The following BRWD3 variants were observed in gnomAD, a reference collection of about 807,000 sequenced individuals.
The protein encoded by BRWD3 is bromodomain and WD repeat-containing protein 3.
BRWD3 carries 10 observed loss-of-function variants against 149.7 expected under a neutral mutation model. That is an observed-to-expected ratio of 0.07 (90% CI 0.04 to 0.11). BRWD3 has a LOEUF of 0.11. BRWD3 is among the 10% of genes least tolerant of loss of function. The pLI, the probability that BRWD3 is intolerant of heterozygous loss-of-function variation, is 1.00. For missense variants in BRWD3, 940 were observed against 1,373.2 expected, an observed-to-expected ratio of 0.68 and a Z score of 4.99; for synonymous variants, 504 against 456.7, an observed-to-expected ratio of 1.10 and a Z score of -1.32.
chrX:80,741,660 G>C (rs1363633943), intron 8 of BRWD3, among the ~76,000 whole-genome samples: 3 of 111,746 alleles, frequency 2.7e-5, no homozygotes, highest in Non-Finnish European at 5.7e-5. Context: ...CTGATGGCCA[G>C]TGATGATGAG....
rs1380976435 is a variant in BRWD3 at position 80,687,097 on chromosome X, T to C, written c.3865-94A>G. 8 of 510,942 alleles carry C rather than the reference T, an allele frequency of 1.6e-5. No homozygotes were observed. In the African/African-American group the frequency reaches 4.3e-4, roughly 27 times the overall value. 42.1% of individuals were successfully genotyped at this position (510,942 alleles called of 1,213,427 possible). ...TAATGTTAATATACCTATCTGTATG[T>C]GTGTATATATATATATATATATATA... On this transcript the variant is annotated intron_variant, in intron 34 of 40. Coordinates refer to ENST00000373275, the MANE Select transcript of BRWD3 (RefSeq NM_153252.5).
intron 20 of BRWD3, chrX:80,710,354 C>T (rs2072943319): frequency 6.0e-6 from 2 of 334,424 alleles, no homozygotes; most frequent in African/African-American, 2.7e-5. Context: ...ATTTTCCAAA[C>T]CTGGTCATCT....
intron 20 of BRWD3, chrX:80,709,834 A>C (rs2072933541): frequency 2.1e-6 from 1 of 479,452 alleles, no homozygotes; most frequent in East Asian, 3.7e-5. Context: ...AGTCCCACAG[A>C]CTTCTCTGTA....
Position 80,722,550 on chromosome X carries a change from G to A in BRWD3, c.1876+12C>T. 1.7e-6 allele frequency: 2 copies of A among 1,200,413 alleles called. No homozygotes were observed. Among genetic ancestry groups the A allele is most frequent in the Non-Finnish European group, 2.3e-6 (2 of 885,341 alleles). ...GCAAAATGTTTTAAATTTACTTTTA[G>A]AGAAAACATACCATTAGCCACATAT... On this transcript the variant is annotated intron_variant, in intron 17 of 40. Coordinates refer to ENST00000373275, the MANE Select transcript of BRWD3 (RefSeq NM_153252.5).
At position 80,716,327 on chromosome X, in the gene BRWD3, A is replaced by G. The variant is rs1355227654; in HGVS notation, c.2232-77T>C. On this transcript the variant is annotated intron_variant, in intron 19 of 40. Coordinates refer to ENST00000373275, the MANE Select transcript of BRWD3 (RefSeq NM_153252.5). Reference sequence around the variant, plus strand: ...CATTTAAGAATCAGATAATAAAAATACTTTTAAACATATAATTTGCCACTT... The same window carrying G: ...CATTTAAGAATCAGATAATAAAAATGCTTTTAAACATATAATTTGCCACTT... The G allele has an allele frequency of 6.2e-6, 5 of 804,408 alleles. No individual in the cohort carries two copies. The East Asian group carries it at 1.6e-4, about 26-fold the overall frequency. 66.3% of individuals were successfully genotyped at this position (804,408 alleles called of 1,213,427 possible). A position where few individuals can be genotyped will look rare whatever the true frequency, so the allele number is the denominator to read the frequency against.
intron 14 of BRWD3, among the ~76,000 whole-genome samples, chrX:80,725,958 CACATA>C (rs1285035546): frequency 9.2e-6 from 1 of 108,769 alleles, no homozygotes; most frequent in Non-Finnish European, 1.9e-5. Context: ...GTCTATATAA[CACATA>C]ACATGTTTAC....
chrX:80,703,961 T>C (rs1224074909), intron 23 of BRWD3, among the ~76,000 whole-genome samples: 1 of 112,290 alleles, frequency 8.9e-6, no homozygotes, highest in African/African-American at 3.2e-5. Context: ...ATAGAATGTG[T>C]CTATAATCAA....
At chrX:80,691,211 G>A (rs1381101103) in intron 30 of BRWD3, 38 bp from the exon 31 acceptor site, 8 of 1,181,880 alleles carry the variant, frequency 6.8e-6, no homozygotes, top group Non-Finnish European at 9.2e-6. Context: ...TAGCTATAAA[G>A]GACATTAACA....
chrX:80,743,160 G>A (rs1042585379), intron 8 of BRWD3, among the ~76,000 whole-genome samples: 5 of 111,740 alleles, frequency 4.5e-5, no homozygotes, highest in Non-Finnish European at 9.4e-5. Flanking sequence ...TAATCATATG[G>A]TTCTTGTCTT....
rs1349974311 is a variant in BRWD3, at chrX:80,669,772, A to C, written c.*6837T>G. ...AAAAATCAACCACAAAAATCCTTAA[A>C]AATGAATAAGCTCCATCAATTAATA... is the stretch of plus-strand genomic sequence containing the variant. On this transcript the variant is annotated 3_prime_UTR_variant, in exon 41 of 41. Coordinates refer to ENST00000373275, the MANE Select transcript of BRWD3 (RefSeq NM_153252.5). 9.0e-6 allele frequency among the ~76,000 whole-genome samples: 1 copy of C among 111,457 alleles called. No homozygotes were observed. Among genetic ancestry groups the C allele is most frequent in the African/African-American group, 3.3e-5 (1 of 30,740 alleles).
At chrX:80,804,103 T>C (rs1464194099) in intron 4 of BRWD3, among the ~76,000 whole-genome samples, 2 of 112,604 alleles carry the variant, frequency 1.8e-5, no homozygotes, top group Non-Finnish European at 3.7e-5. Context: ...TTCTAGTATT[T>C]TGCATATAAA....
intron 6 of BRWD3, among the ~76,000 whole-genome samples, chrX:80,753,272 GT>G (rs200981902): frequency 0.33 from 29,669 of 90,336 alleles, 4,676 homozygotes; most frequent in South Asian, 0.57. Flanking sequence ...GTGCTTTTCA[GT>G]TTTTTTTTTT....
intron 30 of BRWD3, 24 bp from the exon 31 acceptor site, chrX:80,691,197 A>C: frequency 8.3e-7 from 1 of 1,199,155 alleles, no homozygotes; most frequent in Non-Finnish European, 1.1e-6. Context: ...AAAATCAAAT[A>C]AGGTAGCTAT....
intron 37 of BRWD3, among the ~76,000 whole-genome samples, chrX:80,682,834 G>GA (rs764479181): frequency 3.0e-4 from 33 of 110,778 alleles, no homozygotes; most frequent in African/African-American, 9.1e-4. Flanking sequence ...AAAAGGTAGG[G>GA]AAAAAAAGAC....
chrX:80,752,668 T>A (rs2073684258), intron 6 of BRWD3, among the ~76,000 whole-genome samples: 1 of 111,881 alleles, frequency 8.9e-6, no homozygotes, highest in Non-Finnish European at 1.9e-5. Context: ...TTGAGCATTT[T>A]TTCTTTTTCT....
intron 22 of BRWD3, among the ~76,000 whole-genome samples, chrX:80,706,236 G>A (rs1271669990): frequency 1.0e-4 from 11 of 110,211 alleles, no homozygotes; most frequent in African/African-American, 3.3e-4. Flanking sequence ...AGCCTCCCAA[G>A]TAGCTGGGAT....
At position 80,724,990 on chromosome X, in the gene BRWD3, C is replaced by T. The variant is rs1480934779; in HGVS notation, c.1464G>A (p.Gly488=). ...GGTCAAGGTCCCAAATAAAAATGTTCCCATCATGACCTGCTGAAAGTATGA... is the reference window on the plus strand; with the variant it reads ...GGTCAAGGTCCCAAATAAAAATGTTTCCATCATGACCTGCTGAAAGTATGA... ...QRIILSAGHD[G]NIFIWDLDRG... The change falls in exon 15 of 41, where the codon GGG becomes GGA. Residue 488 remains glycine, a synonymous_variant. Transcript: ENST00000373275. 3.3e-6 allele frequency: 4 copies of T among 1,208,519 alleles called. No individual in the cohort carries two copies. Among genetic ancestry groups the T allele is most frequent in the Non-Finnish European group, 4.5e-6 (4 of 892,997 alleles).
intron 6 of BRWD3, among the ~76,000 whole-genome samples, chrX:80,751,379 C>G (rs992620302): frequency 3.6e-5 from 4 of 110,059 alleles, no homozygotes; most frequent in African/African-American, 1.3e-4. Flanking sequence ...AAATTATTTG[C>G]CAATAAAAAT....
chrX:80,766,968 C>G lies in BRWD3; in HGVS notation c.431-21239G>C, dbSNP rs189153159. ...CACACTAGGAGATTATAGCCCGCAC[C>G]TGTCTCTGCGAATCCCAAGCCCACC... On this transcript the variant is annotated intron_variant, in intron 6 of 40. Transcript: ENST00000373275. Among the ~76,000 whole-genome samples, 12 of 112,511 alleles carry G rather than the reference C, an allele frequency of 1.1e-4. No individual in the cohort carries two copies. The South Asian group carries it at 4.1e-3, about 38-fold the overall frequency.
Sources: gnomAD v4.1 joint callset for allele counts (sites outside exome capture counted in the v4.1 genomes callset) on GRCh38, gnomAD v4.1.1 for gene constraint, MANE v1.5 for transcripts, NCBI Gene and HGNC (gene_info 2026-07-23, HGNC 2026-07-21) for gene names.